CCNY: variants seen among roughly 807,000 people sequenced by gnomAD.
The protein encoded by CCNY is cyclin Y.
In CCNY, 19 loss-of-function variants were observed where a neutral mutation model predicts 42.8. The observed-to-expected ratio is 0.44, with a 90% CI of 0.31 to 0.65. The LOEUF is 0.65. CCNY is among the 30% of genes least tolerant of loss of function. The pLI is 0.07. For missense variants in CCNY, 370 were observed against 437.3 expected (o/e 0.85, Z 1.37); for synonymous variants, 165 against 162.7 (o/e 1.01, Z -0.11).
chr10:35,414,146 C>CT (rs1181673903), intron 1 of CCNY, among the ~76,000 whole-genome samples: 3 of 152,226 alleles, frequency 2.0e-5, no homozygotes, highest in African/African-American at 7.2e-5. Flanking sequence ...CACATTGACT[C>CT]TATCACAGTT....
chr10:35,410,446 T>A (rs1041962116), intron 1 of CCNY, among the ~76,000 whole-genome samples: 2 of 152,100 alleles, frequency 1.3e-5, no homozygotes, highest in African/African-American at 4.8e-5. Flanking sequence ...ACACATGTGA[T>A]CACGGAAACA....
In CCNY at chr10:35,540,745, G is replaced by A. The variant is rs1316798043; in HGVS notation, c.579+10502G>A. Among the ~76,000 whole-genome samples, 9 of 152,156 alleles carry A rather than the reference G, an allele frequency of 5.9e-5. No individual in the cohort carries two copies. In the East Asian group the frequency reaches 1.7e-3, roughly 29 times the overall value. On this transcript the variant is annotated intron_variant, in intron 7 of 9. Transcript: ENST00000374704. ...GTTATCTCTTCTTGAGTCAGTTGCA[G>A]TAGTTTGTGTTTTTCTAGGAATTTG...
rs1235564791 is a variant in CCNY, at chr10:35,432,101, G to A, written c.155-51303G>A. Among the ~76,000 whole-genome samples the A allele has an allele frequency of 2.6e-5, 4 of 152,220 alleles. No individual in the cohort carries two copies. The East Asian group carries it at 5.8e-4, about 22-fold the overall frequency. ...TCAGTAACTTAAATAGTTGATTCAT[G>A]TGGCGTATTTTTATTAGTATAAGCT... On this transcript the variant is annotated intron_variant, in intron 1 of 9. Coordinates refer to ENST00000374704, the MANE Select transcript of CCNY (RefSeq NM_145012.6).
intron 3 of CCNY, among the ~76,000 whole-genome samples, chr10:35,268,938 G>A (rs567134074): frequency 6.6e-6 from 1 of 152,354 alleles, no homozygotes; most frequent in South Asian, 2.1e-4. Context: ...GTGGGCCTGT[G>A]AAGGGCCTGG....
At chr10:35,261,443 G>A (rs2095719557) in intron 3 of CCNY, among the ~76,000 whole-genome samples, 1 of 151,586 alleles carries the variant, frequency 6.6e-6, no homozygotes, top group African/African-American at 2.4e-5. Flanking sequence ...TTGCCATGTT[G>A]GCCAGGCTGG....
At chr10:35,508,999 T>C (rs1176659784) in intron 3 of CCNY, among the ~76,000 whole-genome samples, 2 of 152,226 alleles carry the variant, frequency 1.3e-5, no homozygotes, top group African/African-American at 4.8e-5. Context: ...ACATGGCCTT[T>C]TGTGAGTGGC....
intron 9 of CCNY, 193 bp downstream of exon 9, chr10:35,566,378 T>C: frequency 1.6e-6 from 1 of 619,736 alleles, no homozygotes. Context: ...GGAGTCTCGC[T>C]CTGTCACCCA....
intron 4 of CCNY, among the ~76,000 whole-genome samples, chr10:35,518,271 A>G (rs987475340): frequency 2.0e-5 from 3 of 152,134 alleles, no homozygotes; most frequent in Non-Finnish European, 4.4e-5. Context: ...GTCTGTGTAA[A>G]TCACTGTTTC....
chr10:35,337,354 G>A (rs2135113608), intron 1 of CCNY, 147 bp downstream of exon 1: 2 of 808,006 alleles, frequency 2.5e-6, no homozygotes. Flanking sequence ...CTAGGCGCCC[G>A]GGGCCCCGCA....
At chr10:35,348,598 G>T (rs1836358727) in intron 1 of CCNY, among the ~76,000 whole-genome samples, 1 of 152,238 alleles carries the variant, frequency 6.6e-6, no homozygotes, top group South Asian at 2.1e-4. Context: ...ATGAGCAGGA[G>T]CCCCCGTCCA....
At chr10:35,475,455 C>G (rs1249318786) in intron 1 of CCNY, among the ~76,000 whole-genome samples, 4 of 151,916 alleles carry the variant, frequency 2.6e-5, no homozygotes, top group African/African-American at 9.7e-5. Flanking sequence ...AGAAACCCTA[C>G]AAGCCAGAAG....
intron 7 of CCNY, among the ~76,000 whole-genome samples, chr10:35,550,668 A>G (rs968418839): frequency 6.6e-6 from 1 of 152,124 alleles, no homozygotes; most frequent in Non-Finnish European, 1.5e-5. Flanking sequence ...AATGCCCCAT[A>G]TGTTGTAAGC....
chr10:35,492,359 T>G (rs967890967), intron 2 of CCNY, among the ~76,000 whole-genome samples: 1 of 152,256 alleles, frequency 6.6e-6, no homozygotes, highest in African/African-American at 2.4e-5. Context: ...GATGCTTCCC[T>G]GTTTCTCTTC....
At chr10:35,347,678 A>T (rs1836335898) in intron 1 of CCNY, among the ~76,000 whole-genome samples, 1 of 152,178 alleles carries the variant, frequency 6.6e-6, no homozygotes, top group South Asian at 2.1e-4. Context: ...GGTGGGTAGG[A>T]TGAGTTCTGT....
chr10:35,494,331 T>C (rs1360799614), intron 2 of CCNY, among the ~76,000 whole-genome samples: 1 of 148,784 alleles, frequency 6.7e-6, no homozygotes, highest in Non-Finnish European at 1.5e-5. Context: ...AGAGGCCAGG[T>C]CTGAAATTAT....
chr10:35,458,049 G>A (rs1469664534), intron 1 of CCNY, among the ~76,000 whole-genome samples: 4 of 152,138 alleles, frequency 2.6e-5, no homozygotes, highest in Non-Finnish European at 1.5e-5. Flanking sequence ...TGTTATGTAC[G>A]TGTTCTTTGT....
intron 1 of CCNY, among the ~76,000 whole-genome samples, chr10:35,474,907 T>G (rs909898519): frequency 2.6e-5 from 4 of 151,896 alleles, no homozygotes; most frequent in African/African-American, 9.7e-5. Flanking sequence ...GAAAAAAATT[T>G]AGAAGAATGT....
At chr10:35,558,285 G>A (rs1253030377) in intron 8 of CCNY, among the ~76,000 whole-genome samples, 1 of 152,204 alleles carries the variant, frequency 6.6e-6, no homozygotes, top group Non-Finnish European at 1.5e-5. Flanking sequence ...TAGGAGAAGA[G>A]CAACTGGGAA....
chr10:35,415,067 G>C (rs1284558042), intron 1 of CCNY, among the ~76,000 whole-genome samples: 1 of 152,132 alleles, frequency 6.6e-6, no homozygotes, highest in African/African-American at 2.4e-5. Context: ...GTAGTTTTAG[G>C]GGAAGATCAG....
Sources: gnomAD v4.1 joint callset for allele counts (sites outside exome capture counted in the v4.1 genomes callset) on GRCh38, gnomAD v4.1.1 for gene constraint, MANE v1.5 for transcripts, NCBI Gene and HGNC (gene_info 2026-07-23, HGNC 2026-07-21) for gene names.